The following SLC44A1 variants were observed in gnomAD, a reference collection of about 807,000 sequenced individuals.
SLC44A1 encodes the protein solute carrier family 44 member 1.
SLC44A1 carries 26 observed loss-of-function variants against 79.3 expected under a neutral mutation model. That is an observed-to-expected ratio of 0.33 (90% confidence interval 0.24 to 0.46). The LOEUF is 0.46. SLC44A1 is among the 20% of genes least tolerant of loss of function. The probability of loss-of-function intolerance (pLI) is 1.00; values close to 1 mark genes in which losing one functional copy is unlikely to be tolerated. For synonymous variants in SLC44A1, 263 were observed against 286.2 expected, an observed-to-expected ratio of 0.92 and a Z score of 0.82; for missense variants, 688 against 798.1, an observed-to-expected ratio of 0.86 and a Z score of 1.66.
At chr9:105,310,124 G>C (rs1831138971) in intron 3 of SLC44A1, among the ~76,000 whole-genome samples, 1 of 151,590 alleles carries the variant, frequency 6.6e-6, no homozygotes, top group Admixed American at 6.6e-5. Flanking sequence ...GTAAAGGCTT[G>C]ATTTGAAAAG....
chr9:105,332,716 A>AT (rs1202737560), intron 3 of SLC44A1, among the ~76,000 whole-genome samples: 3 of 151,380 alleles, frequency 2.0e-5, no homozygotes, highest in Non-Finnish European at 2.9e-5. Flanking sequence ...TCCTACACAG[A>AT]TTTTTTTTTC....
Position 105,393,070 on chromosome 9 carries a change from G to A in SLC44A1, c.*4014G>A. 1 of 985,338 alleles carries A rather than the reference G, an allele frequency of 1.0e-6. No homozygotes were observed. The highest frequency in any genetic ancestry group is 1.2e-6 in the Non-Finnish European group (1 of 829,834). The allele number at this position is 985,338 out of a possible 1,614,324, so 61.0% of individuals were successfully genotyped here. ...TACATTCCATCTGACACATACGAGT[G>A]CACTATAATGGCTTGCCTAGAACTG... On this transcript the variant is annotated 3_prime_UTR_variant, in exon 16 of 16. Coordinates refer to ENST00000374720, the MANE Select transcript of SLC44A1 (RefSeq NM_080546.5).
At chr9:105,284,699 G>C (rs1441597551) in intron 1 of SLC44A1, among the ~76,000 whole-genome samples, 1 of 152,048 alleles carries the variant, frequency 6.6e-6, no homozygotes, top group Non-Finnish European at 1.5e-5. Flanking sequence ...TGTTCATATG[G>C]AGTCTGTCAT....
rs958468180 is a variant in SLC44A1, at chr9:105,394,230, C to G, written c.*5174C>G. ...AAATGAGGAAGTGATTAGGCCTCCACTAGAGATACTTTTGAGATGATGCTT... is the reference window on the plus strand; with the variant it reads ...AAATGAGGAAGTGATTAGGCCTCCAGTAGAGATACTTTTGAGATGATGCTT... On this transcript the variant is annotated 3_prime_UTR_variant, in exon 16 of 16. Coordinates refer to ENST00000374720, the MANE Select transcript of SLC44A1 (RefSeq NM_080546.5). 13 of 985,206 alleles carry G rather than the reference C, an allele frequency of 1.3e-5. No individual in the cohort carries two copies. Among genetic ancestry groups the G allele is most frequent in the Middle Eastern group, 5.2e-4 (1 of 1,936 alleles). 61.0% of individuals were successfully genotyped at this position (985,206 alleles called of 1,614,324 possible). A position where few individuals can be genotyped will look rare whatever the true frequency, so the allele number is the denominator to read the frequency against.
intron 1 of SLC44A1, among the ~76,000 whole-genome samples, chr9:105,276,565 C>CGTGTGTGTGTGT (rs60259632): frequency 0.01 from 1,216 of 118,982 alleles, 71 homozygotes; most frequent in East Asian, 0.021. Flanking sequence ...GATGGGGAGC[C>CGTGTGTGTGTGT]GTGTGTGTGT....
chr9:105,251,195 G>C (rs977783304), intron 1 of SLC44A1, among the ~76,000 whole-genome samples: 1 of 152,010 alleles, frequency 6.6e-6, no homozygotes, highest in Non-Finnish European at 1.5e-5. Flanking sequence ...CCTCAAAATC[G>C]TACCCCTCAC....
At chr9:105,412,954 G>A (rs1363137019) in intron 15 of SLC44A1, among the ~76,000 whole-genome samples, 1 of 152,114 alleles carries the variant, frequency 6.6e-6, no homozygotes, top group African/African-American at 2.4e-5. Flanking sequence ...ATAAATGAAT[G>A]AGAGTGTTTT....
At chr9:105,428,838 T>A (rs1829355488) in intron 15 of SLC44A1, among the ~76,000 whole-genome samples, 1 of 152,188 alleles carries the variant, frequency 6.6e-6, no homozygotes, top group African/African-American at 2.4e-5. Context: ...TTGTAGTAGC[T>A]GGGACTACAG....
chr9:105,298,596 C>T lies in SLC44A1; in HGVS notation c.37-624C>T, dbSNP rs530555354. ...AACTCCTGACCTCAGGTGATCTGCC[C>T]GCCTCGGCCTCCCAAAGTGCTGGGA... On this transcript the variant is annotated intron_variant, in intron 1 of 15. Transcript: ENST00000374720. 4.2e-4 allele frequency among the ~76,000 whole-genome samples: 64 copies of T among 152,234 alleles called. No individual in the cohort carries two copies. The East Asian group carries it at 5.8e-3, about 14-fold the overall frequency.
At chr9:105,244,935 C>G in intron 1 of SLC44A1, 31 bp downstream of exon 1, 1 of 1,145,904 alleles carries the variant, frequency 8.7e-7, no homozygotes, top group Non-Finnish European at 1.1e-6. Flanking sequence ...GGCCGCCCGC[C>G]CGGATGCCTC....
At chr9:105,386,135 C>T (rs1828620162) in intron 15 of SLC44A1, 1 of 980,442 alleles carries the variant, frequency 1.0e-6, no homozygotes, top group Non-Finnish European at 1.2e-6. Context: ...TAAATTATTT[C>T]TGGTAGTTGA....
intron 4 of SLC44A1, among the ~76,000 whole-genome samples, chr9:105,335,975 C>T (rs1826905636): frequency 6.6e-6 from 1 of 152,026 alleles, no homozygotes; most frequent in Non-Finnish European, 1.5e-5. Flanking sequence ...TGTAGTCTAT[C>T]GAGTATTTGG....
In SLC44A1 at chr9:105,311,406, G is replaced by A. The variant is rs1831176359; in HGVS notation, c.269+1540G>A. Among the ~76,000 whole-genome samples the A allele has an allele frequency of 2.6e-5, 4 of 152,064 alleles. No homozygotes were observed. The South Asian group carries it at 8.3e-4, about 32-fold the overall frequency. On this transcript the variant is annotated intron_variant, in intron 3 of 15. Coordinates refer to ENST00000374720, the MANE Select transcript of SLC44A1 (RefSeq NM_080546.5). The stretch of plus-strand genomic sequence containing the variant: ...CTCCGTCAGGTCTTCTGCTTACATG[G>A]GATTGGAATCATTTTTATGGCTCCT...
rs1554797147 is a variant in SLC44A1, at chr9:105,351,596, G to GAGAGAAAGAGAGAAAGAGAA, written c.500+3148_500+3149insGAAAGAGAGAAAGAGAAAGA. On this transcript the variant is annotated intron_variant, in intron 5 of 15. Coordinates refer to ENST00000374720, the MANE Select transcript of SLC44A1 (RefSeq NM_080546.5). ...AGAGAGAAAGAGAGAAAGAGAGAAAGAGAAAGAAAGAAAGAAAGAAAGAAA... is the reference window on the plus strand; with the variant it reads ...AGAGAGAAAGAGAGAAAGAGAGAAAGAGAGAAAGAGAGAAAGAGAAAGAAAGAAAGAAAGAAAGAAAGAAA... Among the ~76,000 whole-genome samples, 48 of 113,528 alleles carry GAGAGAAAGAGAGAAAGAGAA rather than the reference G, an allele frequency of 4.2e-4. 1 individual carries two copies. The highest frequency in any genetic ancestry group is 1.3e-3 in the South Asian group (5 of 3,758). 74.5% of individuals were successfully genotyped at this position (113,528 alleles called of 152,430 possible). A position where few individuals can be genotyped will look rare whatever the true frequency, so the allele number is the denominator to read the frequency against.
intron 12 of SLC44A1, among the ~76,000 whole-genome samples, chr9:105,368,628 T>C (rs1200028862): frequency 1.3e-5 from 2 of 152,246 alleles, no homozygotes; most frequent in Non-Finnish European, 2.9e-5. Flanking sequence ...CATATAAATA[T>C]ATATACATTT....
At chr9:105,256,848 C>T (rs920468835) in intron 1 of SLC44A1, among the ~76,000 whole-genome samples, 10 of 150,534 alleles carry the variant, frequency 6.6e-5, no homozygotes, top group East Asian at 1.9e-4. Flanking sequence ...AGTGCAGTGG[C>T]GTGATCTCAG....
chr9:105,425,280 A>G (rs1302032575), intron 15 of SLC44A1, among the ~76,000 whole-genome samples: 1 of 152,230 alleles, frequency 6.6e-6, no homozygotes, highest in Admixed American at 6.5e-5. Context: ...AAGCTTTGAC[A>G]TATACATTGT....
intron 1 of SLC44A1, among the ~76,000 whole-genome samples, chr9:105,291,124 A>C (rs1463725628): frequency 6.6e-6 from 1 of 152,214 alleles, no homozygotes; most frequent in African/African-American, 2.4e-5. Context: ...GTTTATTGCT[A>C]CTCAACTTCA....
intron 1 of SLC44A1, among the ~76,000 whole-genome samples, chr9:105,250,636 G>C (rs1829561957): frequency 6.6e-6 from 1 of 152,186 alleles, no homozygotes; most frequent in African/African-American, 2.4e-5. Flanking sequence ...TGAGGTCAGA[G>C]AGATACATTA....
Sources: allele counts gnomAD v4.1 joint callset (sites outside exome capture counted in the v4.1 genomes callset), GRCh38; gene constraint gnomAD v4.1.1; transcripts MANE v1.5; gene names NCBI Gene and HGNC (gene_info 2026-07-23, HGNC 2026-07-21).